KLHL4: variants seen among roughly 807,000 people sequenced by gnomAD.
The protein encoded by KLHL4 is kelch like family member 4.
Under a neutral mutation model 45.8 loss-of-function variants are expected in KLHL4, and 17 were observed. The observed-to-expected ratio is 0.37, with a 90% CI of 0.25 to 0.56. The LOEUF (loss-of-function observed/expected upper bound fraction) is 0.56, where lower values mean the gene tolerates loss of function less well. Ranked by LOEUF, KLHL4 falls within the 20% of genes least tolerant of loss-of-function variation. The probability of loss-of-function intolerance (pLI) is 0.79; values close to 1 mark genes in which losing one functional copy is unlikely to be tolerated. For synonymous variants in KLHL4, 224 were observed against 189.9 expected (o/e 1.18, Z -1.47); for missense variants, 544 against 544.9 (o/e 1.00, Z 0.02).
chrX:87,660,189 T>C (rs779139077), intron 9 of KLHL4, among the ~76,000 whole-genome samples: 4 of 111,716 alleles, frequency 3.6e-5, no homozygotes, highest in Non-Finnish European at 7.5e-5. Context: ...CAAAAAGTCA[T>C]AGACAGCACA....
At chrX:87,527,893 AACATAAT>A (rs1297711731) in intron 1 of KLHL4, among the ~76,000 whole-genome samples, 1 of 110,767 alleles carries the variant, frequency 9.0e-6, no homozygotes, top group Non-Finnish European at 1.9e-5. Flanking sequence ...AAAGCAAGGA[AACATAAT>A]ACATACAAAG....
chrX:87,588,140 GAAATT>G (rs1921541295), intron 1 of KLHL4, among the ~76,000 whole-genome samples: 1 of 111,367 alleles, frequency 9.0e-6, no homozygotes, highest in South Asian at 3.7e-4. Flanking sequence ...ACTGATGAAA[GAAATT>G]AAAGAGGACA....
chrX:87,627,172 C>T (rs951042243), intron 6 of KLHL4, among the ~76,000 whole-genome samples: 1 of 111,112 alleles, frequency 9.0e-6, no homozygotes, highest in Non-Finnish European at 1.9e-5. Context: ...AAATATTTGA[C>T]CAGATGAGTG....
At chrX:87,546,501 G>A (rs909476188) in intron 1 of KLHL4, among the ~76,000 whole-genome samples, 26 of 112,574 alleles carry the variant, frequency 2.3e-4, no homozygotes, top group African/African-American at 8.4e-4. Context: ...CAGGGAGAAA[G>A]CCCTCATGGA....
intron 1 of KLHL4, among the ~76,000 whole-genome samples, chrX:87,534,920 A>G (rs1931396997): frequency 8.9e-6 from 1 of 112,125 alleles, no homozygotes; most frequent in Admixed American, 9.5e-5. Flanking sequence ...ATCACCTTTC[A>G]GAAGCACTTG....
At chrX:87,645,350 A>C (rs775978078) in intron 9 of KLHL4, among the ~76,000 whole-genome samples, 3 of 112,114 alleles carry the variant, frequency 2.7e-5, no homozygotes, top group Non-Finnish European at 5.6e-5. Flanking sequence ...CCACAATGCA[A>C]TACCACCTTA....
At chrX:87,624,289 G>A (rs222071) in intron 5 of KLHL4, among the ~76,000 whole-genome samples, 41,235 of 110,639 alleles carry the variant, frequency 0.37, 5,911 homozygotes, top group Middle Eastern at 0.46. Flanking sequence ...AGTAGTGATA[G>A]GCAATGTCAT....
chrX:87,599,552 A>T (rs766949713), intron 1 of KLHL4, among the ~76,000 whole-genome samples: 3 of 110,797 alleles, frequency 2.7e-5, no homozygotes, highest in Non-Finnish European at 3.8e-5. Flanking sequence ...ACATTCATAG[A>T]CCCTAAATAT....
At chrX:87,658,913 C>T (rs1924084090) in intron 9 of KLHL4, among the ~76,000 whole-genome samples, 1 of 110,847 alleles carries the variant, frequency 9.0e-6, no homozygotes, top group Non-Finnish European at 1.9e-5. Context: ...GCTTACAATA[C>T]TGTCTCTTTA....
chrX:87,614,615 T>C (rs1244595837), intron 3 of KLHL4, 45 bp downstream of exon 3: 1 of 1,100,552 alleles, frequency 9.1e-7, no homozygotes, highest in Non-Finnish European at 1.2e-6. Context: ...CTACATTACA[T>C]AACACATTAT....
chrX:87,612,162 A>T (rs966260398), intron 1 of KLHL4, among the ~76,000 whole-genome samples: 4 of 111,817 alleles, frequency 3.6e-5, no homozygotes, highest in East Asian at 5.6e-4. Context: ...TACAGTGTTT[A>T]TACATTCCAC....
intron 9 of KLHL4, among the ~76,000 whole-genome samples, chrX:87,646,750 T>G: frequency 9.0e-6 from 1 of 111,718 alleles, no homozygotes; most frequent in East Asian, 2.8e-4. Flanking sequence ...CAAGTCAAGA[T>G]GGATCAAATC....
At chrX:87,664,983 G>T (rs745849655) in intron 10 of KLHL4, 48 bp downstream of exon 10, 3 of 827,141 alleles carry the variant, frequency 3.6e-6, no homozygotes, top group South Asian at 5.7e-5. Flanking sequence ...GTTTTAAAAA[G>T]AAGATATTAA....
chrX:87,545,630 G>A (rs188166294), intron 1 of KLHL4, among the ~76,000 whole-genome samples: 1 of 111,843 alleles, frequency 8.9e-6, no homozygotes, highest in Admixed American at 9.5e-5. Context: ...AAGTAAATTT[G>A]TGCCACAGAG....
At position 87,612,080 on chromosome X, in the gene KLHL4, A is replaced by C. The variant is rs759115523; in HGVS notation, c.423-1797A>C. 2.7e-5 allele frequency among the ~76,000 whole-genome samples: 3 copies of C among 112,200 alleles called. No homozygotes were observed. The East Asian group carries it at 8.3e-4, about 31-fold the overall frequency. The stretch of plus-strand genomic sequence containing the variant: ...AAGTTAAAGTTTGTAAAGTAAAAAA[A>C]GTTACAGAAAGCTATGATTAAGTTA... On this transcript the variant is annotated intron_variant, in intron 1 of 10. Coordinates refer to ENST00000373119, the MANE Select transcript of KLHL4 (RefSeq NM_019117.5).
Position 87,668,218 on chromosome X carries a change from T to G in KLHL4, c.*1684T>G. ...TGTAGAAGTAGAGTTACCTAAACCT[T>G]TATCGCCAATGCACAGCTTGGCCTG... On this transcript the variant is annotated 3_prime_UTR_variant, in exon 11 of 11. Coordinates refer to ENST00000373119, the MANE Select transcript of KLHL4 (RefSeq NM_019117.5). 2 of 753,309 alleles carry G rather than the reference T, an allele frequency of 2.7e-6. No homozygotes were observed. Among genetic ancestry groups the G allele is most frequent in the African/African-American group, 4.6e-5 (2 of 43,712 alleles). 62.1% of individuals were successfully genotyped at this position (753,309 alleles called of 1,213,427 possible).
chrX:87,607,471 C>T (rs1328872013), intron 1 of KLHL4, among the ~76,000 whole-genome samples: 1 of 111,776 alleles, frequency 8.9e-6, no homozygotes, highest in Non-Finnish European at 1.9e-5. Flanking sequence ...ACCCAGCTTA[C>T]ACTCCATGTA....
At chrX:87,564,447 C>A (rs1159389274) in intron 1 of KLHL4, among the ~76,000 whole-genome samples, 1 of 110,495 alleles carries the variant, frequency 9.1e-6, no homozygotes, top group African/African-American at 3.3e-5. Flanking sequence ...TAAAGATTCA[C>A]TTTTAGATCA....
chrX:87,554,824 TG>T (rs1249568818), intron 1 of KLHL4, among the ~76,000 whole-genome samples: 1 of 99,732 alleles, frequency 1.0e-5, no homozygotes. Flanking sequence ...TTCCAGTTTT[TG>T]CCCATTCAGT....
Sources: allele counts gnomAD v4.1 joint callset (sites outside exome capture counted in the v4.1 genomes callset), GRCh38; gene constraint gnomAD v4.1.1; transcripts MANE v1.5; gene names NCBI Gene and HGNC (gene_info 2026-07-23, HGNC 2026-07-21).